Variants in DNAH6 observed in about 807,000 individuals in gnomAD.
DNAH6 encodes the protein axonemal beta dynein heavy chain 6.
DNAH6 carries 340 observed loss-of-function variants against 491.4 expected under a neutral mutation model. The ratio of observed to expected loss-of-function variants is 0.69; its 90% confidence interval spans 0.63 to 0.76. The LOEUF is 0.76. Ranked by LOEUF, DNAH6 falls within the 30% of genes least tolerant of loss-of-function variation. The pLI, the probability that DNAH6 is intolerant of heterozygous loss-of-function variation, is 0.00. For synonymous variants in DNAH6, 1,603 were observed against 1,686.1 expected (o/e 0.95, Z 1.21); for missense variants, 4,443 against 4,972.2 (o/e 0.89, Z 3.20).
At chr2:84,575,285 C>G (rs529324722) in intron 12 of DNAH6, among the ~76,000 whole-genome samples, 1 of 152,274 alleles carries the variant, frequency 6.6e-6, no homozygotes, top group African/African-American at 2.4e-5. Context: ...TGTCCTGCCT[C>G]AGAGAACGAC....
At chr2:84,700,643 G>T (rs890052989) in intron 48 of DNAH6, among the ~76,000 whole-genome samples, 2 of 152,216 alleles carry the variant, frequency 1.3e-5, no homozygotes, top group African/African-American at 4.8e-5. Context: ...TGAAGTAAGA[G>T]AGTTGCATTT....
Position 84,681,527 on chromosome 2 carries a change from A to G in DNAH6, c.6915A>G (p.Gln2305=). ...TGAGGGACTTATCCAAATGTGTGCA[A>G]GGTAGTGTACTGAACCCTCGTTTTC... ...FNLRDLSKCV[Q]GILQCDPGTI... Residue 2305 remains glutamine, a splice_region_variant and synonymous_variant, in exon 42 of 77, where the codon CAA becomes CAG. Transcript: ENST00000389394. The G allele has an allele frequency of 6.5e-7, 1 of 1,542,770 alleles. No individual in the cohort carries two copies. The highest frequency in any genetic ancestry group is 8.7e-7 in the Non-Finnish European group (1 of 1,143,234).
At chr2:84,578,787 G>C (rs1195078337) in intron 13 of DNAH6, among the ~76,000 whole-genome samples, 1 of 152,318 alleles carries the variant, frequency 6.6e-6, no homozygotes, top group South Asian at 2.1e-4. Context: ...TAATCCCCAG[G>C]TGTAAAGGGA....
At chr2:84,706,549 T>C (rs1428071912) in intron 52 of DNAH6, among the ~76,000 whole-genome samples, 1 of 152,250 alleles carries the variant, frequency 6.6e-6, no homozygotes, top group Non-Finnish European at 1.5e-5. Flanking sequence ...TGTGGAGAAC[T>C]AGTTAGGAAA....
At chr2:84,506,696 C>A in the DNAH6 span, among the ~76,000 whole-genome samples, 1 of 10,538 alleles carries the variant, frequency 9.5e-5, no homozygotes, top group Admixed American at 1.0e-3. Flanking sequence ...GTTTTTATGG[C>A]TTTAGTTTAA....
chr2:84,721,259 T>A (rs944238418), intron 59 of DNAH6, among the ~76,000 whole-genome samples: 2 of 151,770 alleles, frequency 1.3e-5, no homozygotes, highest in African/African-American at 4.8e-5. Context: ...CCATATCAAC[T>A]TTTTTTTTCT....
intron 4 of DNAH6, among the ~76,000 whole-genome samples, chr2:84,539,809 A>G (rs1192274091): frequency 6.6e-6 from 1 of 152,064 alleles, no homozygotes; most frequent in East Asian, 1.9e-4. Context: ...TTTTCCAGGT[A>G]AAAAAAGAGT....
At chr2:84,707,795 C>T (rs982173763) in intron 54 of DNAH6, 79 bp downstream of exon 54, 21 of 1,053,638 alleles carry the variant, frequency 2.0e-5, no homozygotes, top group Non-Finnish European at 2.9e-5. Context: ...TTTCTGAGTT[C>T]AGATGGAGGC....
chr2:84,485,266 A>T, the DNAH6 span, among the ~76,000 whole-genome samples: 1 of 152,118 alleles, frequency 6.6e-6, no homozygotes, highest in African/African-American at 2.4e-5. Context: ...TCTATTCACC[A>T]TTGTCCTTCC....
chr2:84,642,502 C>G (rs1454409031), intron 33 of DNAH6, among the ~76,000 whole-genome samples: 2 of 152,098 alleles, frequency 1.3e-5, no homozygotes, highest in Non-Finnish European at 2.9e-5. Context: ...CAGCCTTTCA[C>G]CAACTCCCAC....
intron 15 of DNAH6, among the ~76,000 whole-genome samples, chr2:84,587,485 C>T (rs1261497136): frequency 6.6e-6 from 1 of 152,198 alleles, no homozygotes; most frequent in Non-Finnish European, 1.5e-5. Context: ...CCCATTCTAA[C>T]TAGTGCTTCT....
chr2:84,785,004 G>C (rs1383235221), intron 66 of DNAH6, among the ~76,000 whole-genome samples, 194 bp downstream of exon 66: 1 of 152,118 alleles, frequency 6.6e-6, no homozygotes, highest in East Asian at 1.9e-4. Flanking sequence ...GCATATTCTA[G>C]TCCTATGGGT....
the DNAH6 span, among the ~76,000 whole-genome samples, chr2:84,501,446 C>T: frequency 6.6e-6 from 1 of 151,376 alleles, no homozygotes; most frequent in African/African-American, 2.4e-5. Context: ...CTGAGGATTT[C>T]TTACATCAAA....
chr2:84,815,733 G>C (rs1191359398), intron 75 of DNAH6, 128 bp from the exon 76 acceptor site: 2 of 687,870 alleles, frequency 2.9e-6, no homozygotes, highest in African/African-American at 1.8e-5. Flanking sequence ...TCTAAAATGT[G>C]AATAATAACA....
At chr2:84,600,601 T>G (rs1685116707) in intron 18 of DNAH6, among the ~76,000 whole-genome samples, 1 of 152,152 alleles carries the variant, frequency 6.6e-6, no homozygotes, top group Admixed American at 6.5e-5. Context: ...TCCTTCAATT[T>G]GGATTTGTCT....
chr2:84,500,439 A>G, the DNAH6 span, among the ~76,000 whole-genome samples: 1 of 152,186 alleles, frequency 6.6e-6, no homozygotes, highest in Non-Finnish European at 1.5e-5. Context: ...ATAGCTCTGT[A>G]GTATAAACTG....
rs1485243128 is a variant in DNAH6, at chr2:84,607,035, T to C, written c.3234T>C (p.Gly1078=). The C allele has an allele frequency of 1.9e-6, 3 of 1,551,486 alleles. No individual in the cohort carries two copies. In the Admixed American group the frequency reaches 5.9e-5, roughly 30 times the overall value. Residue 1078 remains glycine (G), a synonymous_variant, in exon 21 of 77, where the codon GGT becomes GGC. Coordinates refer to ENST00000389394, the MANE Select transcript of DNAH6 (RefSeq NM_001370.2). ...CTCTTGCCTCATCACGTTACCTTGG[T>C]CCACTGAAAACTCGAGTGGATGAAT... The part of the protein sequence containing the change: ...VATLASSRYL[G]PLKTRVDEWQ...
the DNAH6 span, among the ~76,000 whole-genome samples, chr2:84,491,963 G>A: frequency 3.3e-5 from 5 of 152,058 alleles, no homozygotes; most frequent in African/African-American, 9.7e-5. Flanking sequence ...TCCCCGTTGC[G>A]CCGGTCAGAT....
At chr2:84,538,793 T>C (rs976171983) in intron 4 of DNAH6, among the ~76,000 whole-genome samples, 3 of 152,096 alleles carry the variant, frequency 2.0e-5, no homozygotes, top group Non-Finnish European at 4.4e-5. Context: ...AATTTTGGTC[T>C]CTGGTTGTTT....
Sources: allele counts gnomAD v4.1 joint callset (sites outside exome capture counted in the v4.1 genomes callset), GRCh38; gene constraint gnomAD v4.1.1; transcripts MANE v1.5; gene names NCBI Gene and HGNC (gene_info 2026-07-23, HGNC 2026-07-21).